CNOT2: variants seen among roughly 807,000 people sequenced by gnomAD.
The protein encoded by CNOT2 is CC chemokine receptor 4-negative regulator of transcription 2.
Under a neutral mutation model 72.1 loss-of-function variants are expected in CNOT2, and 7 were observed. The ratio of observed to expected loss-of-function variants is 0.10; its 90% confidence interval spans 0.06 to 0.18. CNOT2 has a LOEUF of 0.18. Among genes scored for constraint, CNOT2 ranks in the 10% least tolerant of loss-of-function variants. The probability of loss-of-function intolerance (pLI) is 1.00; values close to 1 mark genes in which losing one functional copy is unlikely to be tolerated. For missense variants in CNOT2, 345 were observed against 660.3 expected, an observed-to-expected ratio of 0.52 and a Z score of 5.23; for synonymous variants, 196 against 225.6, an observed-to-expected ratio of 0.87 and a Z score of 1.17.
chr12:70,304,329 G>T (rs1040905228), intron 2 of CNOT2, among the ~76,000 whole-genome samples: 1 of 151,384 alleles, frequency 6.6e-6, no homozygotes, highest in African/African-American at 2.4e-5. Context: ...CCATCTTTGT[G>T]GTTTTATCTA....
chr12:70,295,143 C>T (rs1182128075), intron 2 of CNOT2, among the ~76,000 whole-genome samples: 1 of 152,140 alleles, frequency 6.6e-6, no homozygotes, highest in Admixed American at 6.5e-5. Context: ...ACATCTATCC[C>T]ATATAATTCA....
intron 3 of CNOT2, among the ~76,000 whole-genome samples, chr12:70,312,736 A>G (rs1876680027): frequency 1.3e-5 from 2 of 152,000 alleles, no homozygotes; most frequent in East Asian, 1.9e-4. Context: ...GCCTGTTAGC[A>G]AGAACTTCTC....
At chr12:70,262,713 A>G (rs1958836470) in intron 1 of CNOT2, among the ~76,000 whole-genome samples, 2 of 147,650 alleles carry the variant, frequency 1.4e-5, no homozygotes, top group East Asian at 2.1e-4. Flanking sequence ...TTTCTCTGTT[A>G]CCCAGGCTGG....
At chr12:70,306,160 T>A (rs115810816) in intron 2 of CNOT2, among the ~76,000 whole-genome samples, 4,595 of 152,170 alleles carry the variant, frequency 0.03, 158 homozygotes, top group African/African-American at 0.069. Flanking sequence ...AATTTAATTT[T>A]ATTTTATTTT....
chr12:70,300,045 G>A (rs139219705), intron 2 of CNOT2, among the ~76,000 whole-genome samples: 3,680 of 152,232 alleles, frequency 0.024, 147 homozygotes, highest in African/African-American at 0.083. Context: ...GTCTGTTCAT[G>A]TCCTTTGCCC....
At chr12:70,272,997 C>T (rs1376756061) in intron 1 of CNOT2, among the ~76,000 whole-genome samples, 1 of 152,110 alleles carries the variant, frequency 6.6e-6, no homozygotes, top group Non-Finnish European at 1.5e-5. Flanking sequence ...CTTATTAATG[C>T]CATCCACATC....
chr12:70,339,112 A>ACC lies in CNOT2; in HGVS notation c.1178+291_1178+292dup, dbSNP rs1466402307. On this transcript the variant is annotated intron_variant, in intron 11 of 15. Coordinates refer to ENST00000229195, the MANE Select transcript of CNOT2 (RefSeq NM_014515.7). Reference sequence around the variant, plus strand: ...TATATACACACACACACACACACACACCTTCCAGAATCCTGAAATCTCAGC... The same window carrying ACC: ...TATATACACACACACACACACACACACCCCTTCCAGAATCCTGAAATCTCAGC... Among the ~76,000 whole-genome samples, 57 of 149,946 alleles carry ACC rather than the reference A, an allele frequency of 3.8e-4. 1 individual carries two copies. The highest frequency in any genetic ancestry group is 1.2e-3 in the African/African-American group (50 of 40,660).
intron 1 of CNOT2, among the ~76,000 whole-genome samples, chr12:70,250,822 A>G (rs1958108770): frequency 6.6e-6 from 1 of 152,154 alleles, no homozygotes; most frequent in South Asian, 2.1e-4. Context: ...TTCTGCATAA[A>G]TGGGGGTAAG....
At chr12:70,247,913 A>G (rs1318318972) in intron 1 of CNOT2, among the ~76,000 whole-genome samples, 1 of 152,222 alleles carries the variant, frequency 6.6e-6, no homozygotes, top group African/African-American at 2.4e-5. Flanking sequence ...ACTTCCTTGA[A>G]TCCTTTCTTA....
chr12:70,294,091 T>G, intron 2 of CNOT2: 2 of 1,281,914 alleles, frequency 1.6e-6, no homozygotes, highest in Non-Finnish European at 2.0e-6. Context: ...TCCCATCGTT[T>G]ATCATGTTCT....
At chr12:70,267,168 A>G (rs552521099) in intron 1 of CNOT2, among the ~76,000 whole-genome samples, 1 of 152,264 alleles carries the variant, frequency 6.6e-6, no homozygotes, top group African/African-American at 2.4e-5. Flanking sequence ...CTCCTATAAT[A>G]AATTGCCACA....
At chr12:70,338,106 A>G (rs965261815) in intron 9 of CNOT2, 2 of 214,364 alleles carry the variant, frequency 9.3e-6, no homozygotes, top group East Asian at 2.5e-4. Flanking sequence ...TCTCTTTTAC[A>G]TGAAAGCATT....
At chr12:70,313,621 T>G (rs1876840249) in intron 3 of CNOT2, among the ~76,000 whole-genome samples, 2 of 152,072 alleles carry the variant, frequency 1.3e-5, no homozygotes, top group Non-Finnish European at 2.9e-5. Context: ...CAGAAAACTT[T>G]CCCTTAAAGA....
Position 70,335,457 on chromosome 12 carries a change from A to T in CNOT2, c.669A>T (p.Thr223=), listed in dbSNP as rs1880553987. ...FNGTDGSENV[T]GLDLSDFPAL... Reference sequence around the variant, plus strand: ...ATTTAGACGGAAGTGAAAATGTGACAGGATTGGACCTTTCAGATTTCCCAG... The same window carrying T: ...ATTTAGACGGAAGTGAAAATGTGACTGGATTGGACCTTTCAGATTTCCCAG... The change falls in exon 8 of 16, where the codon ACA becomes ACT. Residue 223 remains threonine (T), a synonymous_variant. Transcript: ENST00000229195. 6.2e-7 allele frequency: 1 copy of T among 1,604,180 alleles called. No homozygotes were observed. The highest frequency in any genetic ancestry group is 1.3e-5 in the African/African-American group (1 of 74,618).
At chr12:70,269,871 G>A (rs1325272012) in intron 1 of CNOT2, among the ~76,000 whole-genome samples, 1 of 152,156 alleles carries the variant, frequency 6.6e-6, no homozygotes, top group Non-Finnish European at 1.5e-5. Context: ...TCCAGCCCAT[G>A]AGACATTTGG....
chr12:70,337,549 GTT>G, intron 9 of CNOT2, 36 bp downstream of exon 9: 1 of 1,596,712 alleles, frequency 6.3e-7, no homozygotes, highest in Non-Finnish European at 8.6e-7. Context: ...GAGTGATGTA[GTT>G]TTTCCCTTCA....
intron 2 of CNOT2, among the ~76,000 whole-genome samples, chr12:70,302,266 T>C (rs1874165667): frequency 6.6e-6 from 1 of 152,020 alleles, no homozygotes; most frequent in South Asian, 2.1e-4. Flanking sequence ...AGCTTTTGAA[T>C]GTGTTTGCTC....
chr12:70,270,600 A>G (rs1959193503), intron 1 of CNOT2, among the ~76,000 whole-genome samples: 1 of 152,164 alleles, frequency 6.6e-6, no homozygotes, highest in Non-Finnish European at 1.5e-5. Context: ...TTGTTAAATA[A>G]AGATATTAAT....
In CNOT2 at chr12:70,264,526, T is replaced by C. The variant is rs566682451; in HGVS notation, c.-95-13606T>C. On this transcript the variant is annotated intron_variant, in intron 1 of 15. Transcript: ENST00000229195. ...ATCCCTGTGTGTAACCACGGTCTTA[T>C]GAGTGAGATGGGTTGAAGGCAAATG... Among the ~76,000 whole-genome samples the C allele has an allele frequency of 3.9e-4, 60 of 152,282 alleles. 1 individual carries two copies. In the South Asian group the frequency reaches 0.012, roughly 31 times the overall value.
Sources: gnomAD v4.1 joint callset for allele counts (sites outside exome capture counted in the v4.1 genomes callset) on GRCh38, gnomAD v4.1.1 for gene constraint, MANE v1.5 for transcripts, NCBI Gene and HGNC (gene_info 2026-07-23, HGNC 2026-07-21) for gene names.